The following GREB1 variants were observed in gnomAD, a reference collection of about 807,000 sequenced individuals.
The protein encoded by GREB1 is growth regulating estrogen receptor binding 1.
Under a neutral mutation model 200.7 loss-of-function variants are expected in GREB1, and 106 were observed. That is an observed-to-expected ratio of 0.53 (90% CI 0.45 to 0.62). GREB1 has a LOEUF of 0.62. GREB1 is among the 20% of genes least tolerant of loss of function. GREB1 has a pLI of 0.00. For synonymous variants in GREB1, 1,132 were observed against 1,092.4 expected (o/e 1.04, Z -0.72); for missense variants, 2,243 against 2,556.8 (o/e 0.88, Z 2.65).
intron 30 of GREB1, among the ~76,000 whole-genome samples, chr2:11,636,698 A>C (rs13013207): frequency 0.16 from 24,242 of 151,092 alleles, 2,266 homozygotes; most frequent in Middle Eastern, 0.24. Context: ...GGAGGAAGAG[A>C]GTGAGCCACG....
At chr2:11,567,988 G>A (rs944549157) in intron 4 of GREB1, among the ~76,000 whole-genome samples, 6 of 152,316 alleles carry the variant, frequency 3.9e-5, no homozygotes, top group East Asian at 1.9e-4. Context: ...CGGCCCCTCC[G>A]TCTGGCCTGG....
intron 1 of GREB1, among the ~76,000 whole-genome samples, chr2:11,553,743 CTTCA>C (rs1676162321): frequency 6.6e-6 from 1 of 152,100 alleles, no homozygotes; most frequent in South Asian, 2.1e-4. Context: ...ATTTTTCCTT[CTTCA>C]TTTTTATTGC....
At position 11,625,226 on chromosome 2, in the gene GREB1, A is replaced by G; in HGVS notation, c.4220A>G (p.Lys1407Arg). The change falls in exon 24 of 33, where the codon AAG (lysine) becomes AGG (arginine). Residue 1407 changes from lysine to arginine, a missense_variant. This residue lies in a region of GREB1 where 587 missense variants were observed against 553.1 expected (regional missense o/e 1.06). Transcript: ENST00000381486. The stretch of plus-strand genomic sequence containing the variant: ...TGGCCAGACCTGGAGCTGTTCAAGA[A>G]GTTGCCCTTTGACTACATCATTCAC... Reference protein sequence around the residue: ...DPWPDLELFKKLPFDYIIHDP... With the variant: ...DPWPDLELFKRLPFDYIIHDP... 6.2e-7 allele frequency: 1 copy of G among 1,614,112 alleles called. No individual in the cohort carries two copies. The highest frequency in any genetic ancestry group is 8.5e-7 in the Non-Finnish European group (1 of 1,179,948).
intron 1 of GREB1, among the ~76,000 whole-genome samples, chr2:11,509,231 C>G (rs928194564): frequency 6.6e-6 from 1 of 152,048 alleles, no homozygotes; most frequent in Admixed American, 6.6e-5. Context: ...GGACCATATT[C>G]ACTTTTTTCT....
chr2:11,529,562 G>A (rs1205326733), upstream of GREB1, among the ~76,000 whole-genome samples: 1 of 152,194 alleles, frequency 6.6e-6, no homozygotes, highest in African/African-American at 2.4e-5. Context: ...AGCCCATAGT[G>A]TGAGCCCCCT....
chr2:11,557,905 G>T (rs914664502), intron 2 of GREB1, among the ~76,000 whole-genome samples: 1 of 152,150 alleles, frequency 6.6e-6, no homozygotes, highest in Admixed American at 6.5e-5. Context: ...CCGAGAAATG[G>T]CTGGAAAGTA....
chr2:11,529,830 C>T (rs1423525728), upstream of GREB1, among the ~76,000 whole-genome samples: 1 of 152,168 alleles, frequency 6.6e-6, no homozygotes, highest in Non-Finnish European at 1.5e-5. Context: ...AAAAGCAAGT[C>T]TTAGAAAATT....
At chr2:11,637,256 A>T (rs1364719248) in intron 30 of GREB1, among the ~76,000 whole-genome samples, 4 of 152,028 alleles carry the variant, frequency 2.6e-5, no homozygotes, top group Non-Finnish European at 4.4e-5. Context: ...CACGGGAGGG[A>T]AGCAGTGAGA....
At chr2:11,612,210 G>C in intron 18 of GREB1, 1 of 231,044 alleles carries the variant, frequency 4.3e-6, no homozygotes, top group Non-Finnish European at 6.5e-6. Flanking sequence ...AAAAAAAAAA[G>C]ACTTAAGGAG....
intron 10 of GREB1, among the ~76,000 whole-genome samples, chr2:11,590,037 G>A (rs1031540116): frequency 5.9e-5 from 9 of 152,150 alleles, no homozygotes; most frequent in African/African-American, 7.2e-5. Context: ...GACCAGCTGC[G>A]GGTGGCTACG....
intron 5 of GREB1, 86 bp from the exon 6 acceptor site, chr2:11,578,211 G>A (rs1050562868): frequency 2.1e-6 from 3 of 1,436,406 alleles, no homozygotes; most frequent in East Asian, 4.6e-5. Context: ...TCACTGTCCT[G>A]TAGGACACGT....
intron 18 of GREB1, among the ~76,000 whole-genome samples, chr2:11,611,339 G>T (rs896315518): frequency 2.4e-4 from 37 of 152,076 alleles, no homozygotes; most frequent in Non-Finnish European, 5.3e-4. Context: ...TTGAGACAGG[G>T]TCTCACTCTG....
At chr2:11,491,242 G>A (rs1338002642) in intron 1 of GREB1, among the ~76,000 whole-genome samples, 2 of 152,116 alleles carry the variant, frequency 1.3e-5, no homozygotes, top group African/African-American at 2.4e-5. Context: ...AATTTCCTTG[G>A]CATGGTATAA....
At chr2:11,595,419 T>G in intron 12 of GREB1, 40 bp downstream of exon 12, 2 of 1,598,176 alleles carry the variant, frequency 1.3e-6, no homozygotes, top group Non-Finnish European at 1.7e-6. Context: ...CGTATGTTAA[T>G]AGGACAGTAA....
chr2:11,604,619 G>A (rs1682083289), intron 17 of GREB1, among the ~76,000 whole-genome samples: 2 of 152,164 alleles, frequency 1.3e-5, no homozygotes, highest in Admixed American at 1.3e-4. Flanking sequence ...GAATTATTTG[G>A]CCCAACCACC....
chr2:11,595,433 G>T, intron 12 of GREB1, 54 bp downstream of exon 12: 1 of 1,569,994 alleles, frequency 6.4e-7, no homozygotes, highest in South Asian at 1.1e-5. Context: ...ACAGTAATCA[G>T]TGCCGGGGGA....
At position 11,588,748 on chromosome 2, in the gene GREB1, C is replaced by T; in HGVS notation, c.1162C>T (p.His388Tyr). 2 of 1,614,112 alleles carry T rather than the reference C, an allele frequency of 1.2e-6. No homozygotes were observed. The highest frequency in any genetic ancestry group is 1.7e-6 in the Non-Finnish European group (2 of 1,179,938). ...CKAKPVIFKG[H>Y]GNFPYLCGNL... ...AAGTCGCTGCTGTTCCTCTGCAGGC[C>T]ATGGGAACTTCCCTTACCTCTGTGG... Residue 388 changes from histidine (H) to tyrosine (Y), a missense_variant and splice_region_variant, in exon 10 of 33, where the codon CAT becomes TAT. Around this residue, in one of 3 missense-constraint regions of GREB1, gnomAD observed 1,178 missense variants for 1,387.4 expected, o/e 0.85. Transcript: ENST00000381486.
At chr2:11,565,890 G>A (rs901064742) in intron 3 of GREB1, among the ~76,000 whole-genome samples, 1 of 138,144 alleles carries the variant, frequency 7.2e-6, no homozygotes, top group African/African-American at 2.5e-5. Flanking sequence ...GATTTATCTT[G>A]TTTATGTTTC....
Position 11,630,121 on chromosome 2 carries a change from G to C in GREB1, c.4611+12G>C. 1 of 1,613,920 alleles carries C rather than the reference G, an allele frequency of 6.2e-7. No individual in the cohort carries two copies. The highest frequency in any genetic ancestry group is 2.2e-5 in the East Asian group (1 of 44,884). ...TCGTGACAGACAAGGTACTGGCTCA[G>C]AGACCTAGTGGGACAGATCCAAGTG... On this transcript the variant is annotated intron_variant, in intron 26 of 32. Transcript: ENST00000381486.
Sources: gnomAD v4.1 joint callset for allele counts (sites outside exome capture counted in the v4.1 genomes callset) on GRCh38, gnomAD v4.1.1 for gene constraint, gnomAD v4.1.1 regional missense constraint, MANE v1.5 for transcripts, NCBI Gene and HGNC (gene_info 2026-07-23, HGNC 2026-07-21) for gene names.